The following FGF12 variants were observed in gnomAD, a reference collection of about 807,000 sequenced individuals.
FGF12 encodes the protein fibroblast growth factor 12B.
In FGF12, 14 loss-of-function variants were observed where a neutral mutation model predicts 23.6. That is an observed-to-expected ratio of 0.59 (90% CI 0.39 to 0.93). The LOEUF (loss-of-function observed/expected upper bound fraction) is 0.93. Among genes scored for constraint, FGF12 ranks in the 40% least tolerant of loss-of-function variants. The pLI is 0.00. For synonymous variants in FGF12, 62 were observed against 77.3 expected, an observed-to-expected ratio of 0.80 and a Z score of 1.04; for missense variants, 175 against 217.8, an observed-to-expected ratio of 0.80 and a Z score of 1.24.
chr3:192,660,812 G>A (rs1577105632), intron 2 of FGF12, among the ~76,000 whole-genome samples: 1 of 145,276 alleles, frequency 6.9e-6, no homozygotes, highest in South Asian at 2.2e-4. Context: ...GGGGAATAAG[G>A]GAAAACAGAG....
At chr3:192,304,189 C>A (rs1489243685) in intron 4 of FGF12, among the ~76,000 whole-genome samples, 5 of 152,046 alleles carry the variant, frequency 3.3e-5, no homozygotes, top group Admixed American at 2.6e-4. Flanking sequence ...TCTATAGAAC[C>A]CAAAAACACA....
intron 2 of FGF12, among the ~76,000 whole-genome samples, chr3:192,723,860 T>A (rs13092673): frequency 0.025 from 2,948 of 118,722 alleles, 44 homozygotes; most frequent in Middle Eastern, 0.037. Context: ...TGTGTGTGTG[T>A]GTGAGAGAGA....
intron 2 of FGF12, among the ~76,000 whole-genome samples, chr3:192,447,152 G>A (rs970681452): frequency 6.6e-6 from 1 of 152,202 alleles, no homozygotes; most frequent in Non-Finnish European, 1.5e-5. Flanking sequence ...GGAAATCACA[G>A]CCACTCATTT....
Position 192,512,835 on chromosome 3 carries a change from A to AATATATATATATATATAT in FGF12, c.14-152315_14-152298dup, listed in dbSNP as rs773570110. ...GTTAAACCTAGAGTATACTCAAATA[A>AATATATATATATATATAT]ATATATATATATATATATATATATA... On this transcript the variant is annotated intron_variant, in intron 2 of 5. Coordinates refer to ENST00000445105, the MANE Select transcript of FGF12 (RefSeq NM_004113.6). Among the ~76,000 whole-genome samples the AATATATATATATATATAT allele has an allele frequency of 7.8e-4, 60 of 76,756 alleles. 2 individuals are homozygous for AATATATATATATATATAT. Among genetic ancestry groups the AATATATATATATATATAT allele is most frequent in the African/African-American group, 3.8e-3 (60 of 15,676 alleles). 50.4% of individuals were successfully genotyped at this position (76,756 alleles called of 152,430 possible).
At chr3:192,625,385 G>A (rs934475473) in intron 2 of FGF12, among the ~76,000 whole-genome samples, 12 of 152,016 alleles carry the variant, frequency 7.9e-5, no homozygotes, top group Non-Finnish European at 1.5e-4. Flanking sequence ...GTATATTGAT[G>A]TTTAATTTTT....
At chr3:192,589,245 G>T (rs1335177601) in intron 2 of FGF12, among the ~76,000 whole-genome samples, 1 of 150,386 alleles carries the variant, frequency 6.6e-6, no homozygotes, top group East Asian at 2.0e-4. Context: ...TGAGGCAGGA[G>T]AATCACTTGA....
intron 2 of FGF12, among the ~76,000 whole-genome samples, chr3:192,537,057 T>C (rs902732452): frequency 6.6e-6 from 1 of 152,174 alleles, no homozygotes; most frequent in Non-Finnish European, 1.5e-5. Flanking sequence ...GTGAAGTTTA[T>C]CTTTCTGTGC....
intron 4 of FGF12, among the ~76,000 whole-genome samples, chr3:192,177,546 TA>T (rs1715927302): frequency 6.6e-6 from 1 of 152,216 alleles, no homozygotes; most frequent in Non-Finnish European, 1.5e-5. Context: ...AATTACACGA[TA>T]CCATAACCAT....
intron 2 of FGF12, among the ~76,000 whole-genome samples, chr3:192,710,971 G>A (rs555127286): frequency 5.9e-5 from 9 of 152,220 alleles, no homozygotes; most frequent in African/African-American, 2.2e-4. Flanking sequence ...CGGACCTCAG[G>A]AGCTCCACAG....
Position 192,142,973 on chromosome 3 carries a change from A to C in FGF12, c.*1036T>G, listed in dbSNP as rs924323477. Reference sequence around the variant, plus strand: ...TGCAATTTGCGTTGACTAATTTCCTAGGACTTATTTCCTTATGTAAAACCC... The same window carrying C: ...TGCAATTTGCGTTGACTAATTTCCTCGGACTTATTTCCTTATGTAAAACCC... On this transcript the variant is annotated 3_prime_UTR_variant, in exon 6 of 6. Transcript: ENST00000445105. The C allele has an allele frequency of 6.6e-6, 1 of 152,200 alleles. No individual in the cohort carries two copies. The highest frequency in any genetic ancestry group is 2.4e-5 in the African/African-American group (1 of 41,552). The allele number at this position is 152,200 out of a possible 1,614,324, so 9.4% of individuals were successfully genotyped here.
intron 2 of FGF12, among the ~76,000 whole-genome samples, chr3:192,482,989 T>C (rs1723521873): frequency 6.6e-6 from 1 of 152,178 alleles, no homozygotes; most frequent in African/African-American, 2.4e-5. Flanking sequence ...TATTTTAGAA[T>C]AGAATTTATA....
chr3:192,669,325 C>T (rs764895851), intron 2 of FGF12, among the ~76,000 whole-genome samples: 6 of 152,010 alleles, frequency 3.9e-5, no homozygotes, highest in Non-Finnish European at 7.4e-5. Context: ...CAGTGGTTCA[C>T]GCCTGTAATC....
At chr3:192,429,194 G>A (rs767632590) in intron 2 of FGF12, among the ~76,000 whole-genome samples, 3 of 152,194 alleles carry the variant, frequency 2.0e-5, no homozygotes, top group East Asian at 1.9e-4. Context: ...ACCTCTTCAC[G>A]AAGCTTAAGA....
chr3:192,252,132 T>C lies in FGF12; in HGVS notation c.229-81476A>G, dbSNP rs1287546045. 2.0e-5 allele frequency among the ~76,000 whole-genome samples: 3 copies of C among 152,098 alleles called. No individual in the cohort carries two copies. The East Asian group carries it at 5.8e-4, about 29-fold the overall frequency. On this transcript the variant is annotated intron_variant, in intron 4 of 5. Transcript: ENST00000445105. Reference sequence around the variant, plus strand: ...GTCAGAGACCTGTCTGACTAAATTTTGTATTCTCTAGGATGCGAAATATTC... The same window carrying C: ...GTCAGAGACCTGTCTGACTAAATTTCGTATTCTCTAGGATGCGAAATATTC...
At chr3:192,479,977 G>A (rs991660412) in intron 2 of FGF12, among the ~76,000 whole-genome samples, 3 of 151,762 alleles carry the variant, frequency 2.0e-5, no homozygotes, top group African/African-American at 7.3e-5. Context: ...GACAAAATTG[G>A]GATTGAGAAA....
intron 2 of FGF12, among the ~76,000 whole-genome samples, chr3:192,457,071 T>A (rs1020211579): frequency 1.3e-5 from 2 of 152,196 alleles, no homozygotes; most frequent in East Asian, 3.8e-4. Flanking sequence ...CGCTTTTGCA[T>A]CTTCCCCATT....
chr3:192,721,840 A>G (rs1276969334), intron 2 of FGF12, among the ~76,000 whole-genome samples: 3 of 152,190 alleles, frequency 2.0e-5, no homozygotes, highest in Non-Finnish European at 4.4e-5. Flanking sequence ...CCAAAGGGGA[A>G]ACAAAAGGCA....
At chr3:192,533,460 T>G (rs1465998744) in intron 2 of FGF12, among the ~76,000 whole-genome samples, 1 of 152,188 alleles carries the variant, frequency 6.6e-6, no homozygotes, top group Non-Finnish European at 1.5e-5. Context: ...CAGTAAAATC[T>G]ATAAATATTC....
chr3:192,437,403 AGCAAACTGGCCAGGC>A (rs1722057147), intron 2 of FGF12, among the ~76,000 whole-genome samples: 1 of 152,164 alleles, frequency 6.6e-6, no homozygotes, highest in Non-Finnish European at 1.5e-5. Context: ...TGTAAGAGTG[AGCAAACTGGCCAGGC>A]GCCGTGGCTC....
Sources: allele counts gnomAD v4.1 joint callset (sites outside exome capture counted in the v4.1 genomes callset), GRCh38; gene constraint gnomAD v4.1.1; transcripts MANE v1.5; gene names NCBI Gene and HGNC (gene_info 2026-07-23, HGNC 2026-07-21).